The following MCRS1 variants were observed in gnomAD, a reference collection of about 807,000 sequenced individuals.
The protein encoded by MCRS1 is 58 kDa microspherule protein.
In MCRS1, 22 loss-of-function variants were observed where a neutral mutation model predicts 62.9. That is an observed-to-expected ratio of 0.35 (90% CI 0.25 to 0.50). The LOEUF (loss-of-function observed/expected upper bound fraction) is 0.50. MCRS1 is among the 20% of genes least tolerant of loss of function. The probability of loss-of-function intolerance (pLI) is 0.98; values close to 1 mark genes in which losing one functional copy is unlikely to be tolerated. For missense variants in MCRS1, 456 were observed against 601.1 expected (o/e 0.76, Z 2.52); for synonymous variants, 244 against 233.5 (o/e 1.04, Z -0.41).
chr12:49,558,617 G>A lies in MCRS1; in HGVS notation c.*26C>T, dbSNP rs915083451. 7 of 1,606,448 alleles carry A rather than the reference G, an allele frequency of 4.4e-6. No individual in the cohort carries two copies. The highest frequency in any genetic ancestry group is 1.9e-4 in the Middle Eastern group (1 of 5,286). The stretch of plus-strand genomic sequence containing the variant: ...AGTGGCAGGGGAAACAGGCCGGAGA[G>A]GGCCCACGAGTCCTGCCACCACTCC... On this transcript the variant is annotated 3_prime_UTR_variant, in exon 15 of 15. Coordinates refer to ENST00000343810, the MANE Select transcript of MCRS1 (RefSeq NM_006337.5).
At chr12:49,565,040 G>A (rs1276187369) in intron 4 of MCRS1, 145 bp from the exon 5 acceptor site, 1 of 1,401,590 alleles carries the variant, frequency 7.1e-7, no homozygotes, top group Non-Finnish European at 9.3e-7. Flanking sequence ...GGAAGCACAG[G>A]AAAGGAGCTC....
In MCRS1 at chr12:49,566,126, C is replaced by G; in HGVS notation, c.100G>C (p.Ala34Pro). 1 of 1,614,222 alleles carries G rather than the reference C, an allele frequency of 6.2e-7. No individual in the cohort carries two copies. The highest frequency in any genetic ancestry group is 8.5e-7 in the Non-Finnish European group (1 of 1,180,038). ...ATGGTGCCCAAGGCCTGGGAGGAGG[C>G]TCGCTTCTGCCCTGCCAGTGACTCC... ...DEESLAGQKR[A>P]SSQALGTIPK... The change falls in exon 3 of 15, where the codon GCC becomes CCC. Residue 34 changes from alanine to proline, a missense_variant. This residue lies in a region of MCRS1 where 55 missense variants were observed against 49.3 expected (regional missense o/e 1.12). Coordinates refer to ENST00000343810, the MANE Select transcript of MCRS1 (RefSeq NM_006337.5).
chr12:49,566,063 C>T lies in MCRS1; in HGVS notation c.149+14G>A, dbSNP rs566165056. The T allele has an allele frequency of 5.0e-5, 81 of 1,611,044 alleles. No individual in the cohort carries two copies. In the East Asian group the frequency reaches 7.6e-4, roughly 15 times the overall value. ...TACCCTTTCCCAGTTCCTGGCCCTC[C>T]GAACCCTTACTACCTGGAGGAGCTT... On this transcript the variant is annotated intron_variant, in intron 3 of 14. Transcript: ENST00000343810.
intron 8 of MCRS1, among the ~76,000 whole-genome samples, chr12:49,560,879 C>T (rs574570278): frequency 4.3e-4 from 66 of 152,314 alleles, no homozygotes; most frequent in African/African-American, 1.5e-3. Context: ...TGAGAAAGTA[C>T]GTGCTGGTGG....
At chr12:49,563,399 T>C in intron 7 of MCRS1, 39 bp downstream of exon 7, 3 of 1,577,902 alleles carry the variant, frequency 1.9e-6, no homozygotes, top group Admixed American at 1.7e-5. Context: ...CAGCTCTCGC[T>C]GTGCCCTGAT....
chr12:49,567,867 C>T (rs1565795971), intron 1 of MCRS1, 181 bp downstream of exon 1: 1 of 152,218 alleles, frequency 6.6e-6, no homozygotes, highest in East Asian at 1.9e-4. Flanking sequence ...TGCCTTTGCG[C>T]ATGCGTAACA....
Position 49,558,868 on chromosome 12 carries a change from C to A in MCRS1, c.1277G>T (p.Arg426Leu), listed in dbSNP as rs146225717. 1 of 1,613,006 alleles carries A rather than the reference C, an allele frequency of 6.2e-7. No homozygotes were observed. The highest frequency in any genetic ancestry group is 8.5e-7 in the Non-Finnish European group (1 of 1,180,040). Residue 426 changes from arginine (R) to leucine (L), a missense_variant, in exon 14 of 15, where the codon CGC (arginine) becomes CTC (leucine). Arg to Leu is a moderately radical substitution (Grantham distance 102). Coordinates refer to ENST00000343810, the MANE Select transcript of MCRS1 (RefSeq NM_006337.5). ...CTCCACCACAGAGTTGTTGCTGAGG[C>A]GCCATTTGGAGCCACAGAGCACCGG... ...GRPVLCGSKW[R>L]LSNNSVVEIA...
intron 1 of MCRS1, among the ~76,000 whole-genome samples, chr12:49,567,471 G>T (rs550612317): frequency 6.6e-6 from 1 of 152,046 alleles, no homozygotes; most frequent in South Asian, 2.1e-4. Flanking sequence ...CGCTCCTCTC[G>T]TGAGTCCCCA....
intron 8 of MCRS1, among the ~76,000 whole-genome samples, chr12:49,562,464 CAGTGGGGATT>C (rs1938819491): frequency 6.6e-6 from 1 of 152,118 alleles, no homozygotes; most frequent in South Asian, 2.1e-4. Flanking sequence ...TGTGAAGTCC[CAGTGGGGATT>C]TATGAATGGC....
intron 8 of MCRS1, among the ~76,000 whole-genome samples, chr12:49,562,401 G>C (rs1938816115): frequency 6.6e-6 from 1 of 152,218 alleles, no homozygotes; most frequent in Non-Finnish European, 1.5e-5. Flanking sequence ...TGAGGCAAGA[G>C]GAAGTAGGGA....
chr12:49,560,071 G>A (rs1014944993), intron 9 of MCRS1, 104 bp from the exon 10 acceptor site: 2 of 1,482,364 alleles, frequency 1.3e-6, no homozygotes, highest in Non-Finnish European at 1.9e-6. Flanking sequence ...GGCCTGGAAG[G>A]TGGTACATCA....
intron 2 of MCRS1, chr12:49,566,474 G>A (rs781049922): frequency 1.3e-5 from 21 of 1,559,010 alleles, no homozygotes; most frequent in East Asian, 2.4e-5. Context: ...TCAGACTGGT[G>A]ATGCCGACAC....
chr12:49,566,583 C>G (rs1939076459), intron 2 of MCRS1, 139 bp downstream of exon 2: 2 of 1,486,924 alleles, frequency 1.3e-6, no homozygotes, highest in East Asian at 4.9e-5. Context: ...GCTCTGCCGA[C>G]AGGTACATGG....
chr12:49,566,411 T>G, intron 2 of MCRS1, 196 bp from the exon 3 acceptor site: 1 of 1,577,568 alleles, frequency 6.3e-7, no homozygotes, highest in Non-Finnish European at 8.6e-7. Flanking sequence ...CCTTCCACGC[T>G]GGGCAGTTCC....
chr12:49,560,480 C>T (rs1938709092), intron 8 of MCRS1, 110 bp from the exon 9 acceptor site: 1 of 956,488 alleles, frequency 1.0e-6, no homozygotes, highest in Non-Finnish European at 1.7e-6. Flanking sequence ...GTGGAGAGCC[C>T]AGCACCAGCA....
intron 2 of MCRS1, chr12:49,566,503 C>T (rs537245736): frequency 2.0e-6 from 3 of 1,530,116 alleles, no homozygotes; most frequent in East Asian, 4.9e-5. Context: ...CTGGGCATAA[C>T]TGCTCCCTCT....
chr12:49,563,521 G>A lies in MCRS1; in HGVS notation c.583C>T (p.Leu195=), dbSNP rs1477255961. The A allele has an allele frequency of 4.3e-6, 7 of 1,611,092 alleles. No homozygotes were observed. In the East Asian group the frequency reaches 1.6e-4, roughly 36 times the overall value. Residue 195 remains leucine, a synonymous_variant, in exon 7 of 15, where the codon CTG becomes TTG. Transcript: ENST00000343810. ...ATGGCTGCAATAGCCTCTGGGTGCAGCTGCCTCATGGCCTGACAGGCCAAC... is the reference window on the plus strand; with the variant it reads ...ATGGCTGCAATAGCCTCTGGGTGCAACTGCCTCATGGCCTGACAGGCCAAC... ...SKLACQAMRQ[L]HPEAIAAIQS...
intron 7 of MCRS1, 137 bp from the exon 8 acceptor site, chr12:49,563,276 C>A: frequency 7.0e-7 from 1 of 1,430,074 alleles, no homozygotes; most frequent in African/African-American, 1.4e-5. Flanking sequence ...TCAGGCTTGG[C>A]TCTTCCTGAG....
Position 49,559,916 on chromosome 12 carries a change from C to G in MCRS1, c.910+23G>C. 1 of 1,614,190 alleles carries G rather than the reference C, an allele frequency of 6.2e-7. No individual in the cohort carries two copies. The highest frequency in any genetic ancestry group is 8.5e-7 in the Non-Finnish European group (1 of 1,180,012). ...TCTGGCAGGAGCTTCCATCCCCTCACCACCCCATGAGGCCATACTTACCAT... is the reference window on the plus strand; with the variant it reads ...TCTGGCAGGAGCTTCCATCCCCTCAGCACCCCATGAGGCCATACTTACCAT... On this transcript the variant is annotated intron_variant, in intron 10 of 14. Transcript: ENST00000343810. This position sits in a 1 kb window ranked among gnomAD's most constrained non-coding sequence, Gnocchi z 5.2.
Sources: allele counts gnomAD v4.1 joint callset (sites outside exome capture counted in the v4.1 genomes callset), GRCh38; gene constraint gnomAD v4.1.1; regional missense constraint gnomAD v4.1.1; non-coding constraint Gnocchi (gnomAD v3.1); transcripts MANE v1.5; gene names NCBI Gene and HGNC (gene_info 2026-07-23, HGNC 2026-07-21).